The following CSMD1 variants were observed in gnomAD, a reference collection of about 807,000 sequenced individuals.
CSMD1 encodes the protein CUB and Sushi multiple domains 1.
A neutral mutation model predicts 417.5 loss-of-function variants in CSMD1; 213 were observed. That is an observed-to-expected ratio of 0.51 (90% CI 0.46 to 0.57). The LOEUF (loss-of-function observed/expected upper bound fraction) is 0.57. Among genes scored for constraint, CSMD1 ranks in the 20% least tolerant of loss-of-function variants. The probability of loss-of-function intolerance (pLI) is 0.00; values close to 1 mark genes in which losing one functional copy is unlikely to be tolerated. For synonymous variants in CSMD1, 2,862 were observed against 1,736.8 expected (o/e 1.65, Z -16.11); for missense variants, 6,923 against 4,529.7 (o/e 1.53, Z -15.17).
At chr8:4,317,257 T>G (rs1003793399) in intron 3 of CSMD1, among the ~76,000 whole-genome samples, 3 of 152,276 alleles carry the variant, frequency 2.0e-5, no homozygotes, top group South Asian at 4.1e-4. Flanking sequence ...TTTTTTTTAC[T>G]ATGTATGATT....
At chr8:4,159,841 G>C (rs1374424413) in intron 3 of CSMD1, among the ~76,000 whole-genome samples, 2 of 152,116 alleles carry the variant, frequency 1.3e-5, no homozygotes, top group African/African-American at 4.8e-5. Flanking sequence ...ACTCTGGAAT[G>C]GAAAACTAAA....
At chr8:4,464,862 T>G (rs1800065583) in intron 2 of CSMD1, among the ~76,000 whole-genome samples, 1 of 152,090 alleles carries the variant, frequency 6.6e-6, no homozygotes, top group Non-Finnish European at 1.5e-5. Flanking sequence ...CCTGCTGTGT[T>G]AGTTTTATTA....
At chr8:4,318,065 C>T (rs117374012) in intron 3 of CSMD1, among the ~76,000 whole-genome samples, 17,560 of 152,106 alleles carry the variant, frequency 0.12, 1,250 homozygotes, top group Admixed American at 0.17. Context: ...TTTTTTCTCA[C>T]GTAAGTGTGA....
chr8:3,656,314 G>A (rs77395468), intron 7 of CSMD1, among the ~76,000 whole-genome samples: 1,862 of 152,288 alleles, frequency 0.012, 51 homozygotes, highest in African/African-American at 0.042. Flanking sequence ...AGCTTAGGGC[G>A]AAAGGTATAG....
At chr8:3,899,860 T>C (rs974336979) in intron 5 of CSMD1, among the ~76,000 whole-genome samples, 4 of 152,244 alleles carry the variant, frequency 2.6e-5, no homozygotes, top group Admixed American at 1.3e-4. Flanking sequence ...TGTCCATTTC[T>C]TCAGTTCCTT....
At chr8:3,411,117 G>A (rs938804806) in intron 12 of CSMD1, among the ~76,000 whole-genome samples, 1 of 152,172 alleles carries the variant, frequency 6.6e-6, no homozygotes, top group Non-Finnish European at 1.5e-5. Flanking sequence ...AGGCACTGCA[G>A]AGCTTTGGAG....
intron 3 of CSMD1, among the ~76,000 whole-genome samples, chr8:4,191,921 C>T (rs573356551): frequency 4.6e-5 from 7 of 152,252 alleles, no homozygotes; most frequent in African/African-American, 1.7e-4. Context: ...TGAGCATTAG[C>T]ACAATTCAGC....
chr8:4,343,095 G>C (rs915241641), intron 3 of CSMD1, among the ~76,000 whole-genome samples: 1 of 152,074 alleles, frequency 6.6e-6, no homozygotes, highest in Admixed American at 6.6e-5. Context: ...CAGTGACCAA[G>C]GGATATGGGG....
intron 7 of CSMD1, among the ~76,000 whole-genome samples, chr8:3,638,560 G>T (rs889362776): frequency 2.0e-5 from 3 of 152,148 alleles, no homozygotes; most frequent in East Asian, 1.9e-4. Flanking sequence ...GGGGATGCTT[G>T]TCCCTGCCTG....
chr8:4,578,314 T>C (rs1261365580), intron 2 of CSMD1, among the ~76,000 whole-genome samples: 1 of 140,392 alleles, frequency 7.1e-6, no homozygotes, highest in Non-Finnish European at 1.5e-5. Context: ...TACAGGCACC[T>C]GCCACGACAC....
chr8:2,990,730 G>A (rs1489030059), intron 54 of CSMD1, among the ~76,000 whole-genome samples: 1 of 152,188 alleles, frequency 6.6e-6, no homozygotes, highest in Non-Finnish European at 1.5e-5. Context: ...TGTTATGAAT[G>A]TAAGATGCTC....
At chr8:3,057,277 G>A (rs1458714455) in intron 49 of CSMD1, among the ~76,000 whole-genome samples, 1 of 152,098 alleles carries the variant, frequency 6.6e-6, no homozygotes, top group African/African-American at 2.4e-5. Flanking sequence ...AATTTGAATT[G>A]TGTAAGTTAA....
In CSMD1 at chr8:3,359,171, T is replaced by C; in HGVS notation, c.3285A>G (p.Ala1095=). ...ACCTACCCACACACCTTGGCAGAGG[T>C]GCACTCCACACACGGCGGCCCCCAC... ...CLGGGRRVWS[A]PLPRCVAECG... Residue 1095 remains alanine (A), a synonymous_variant, in exon 21 of 70, where the codon GCA becomes GCG. Coordinates refer to ENST00000635120, the MANE Select transcript of CSMD1 (RefSeq NM_033225.6). The C allele has an allele frequency of 1.2e-6, 2 of 1,613,760 alleles. No individual in the cohort carries two copies. The highest frequency in any genetic ancestry group is 8.5e-7 in the Non-Finnish European group (1 of 1,179,916).
intron 3 of CSMD1, among the ~76,000 whole-genome samples, chr8:4,045,317 G>C (rs928129521): frequency 2.0e-5 from 3 of 152,196 alleles, no homozygotes; most frequent in Non-Finnish European, 4.4e-5. Flanking sequence ...GGGTTAGGCA[G>C]GTAAAAGGAC....
chr8:2,997,027 C>A (rs1806957967), intron 54 of CSMD1, among the ~76,000 whole-genome samples: 1 of 152,216 alleles, frequency 6.6e-6, no homozygotes, highest in Non-Finnish European at 1.5e-5. Context: ...CTCCTCTGGT[C>A]AGGGGCTGGG....
At chr8:4,987,738 C>A (rs1026339523) in intron 1 of CSMD1, among the ~76,000 whole-genome samples, 1 of 152,124 alleles carries the variant, frequency 6.6e-6, no homozygotes, top group Admixed American at 6.5e-5. Flanking sequence ...GGGGCAGACC[C>A]TCCCTCAATG....
At chr8:3,368,231 A>C (rs1190140343) in intron 19 of CSMD1, among the ~76,000 whole-genome samples, 1 of 152,244 alleles carries the variant, frequency 6.6e-6, no homozygotes, top group Non-Finnish European at 1.5e-5. Flanking sequence ...AGTGCCACAC[A>C]GTACACATAA....
At chr8:3,717,974 C>G (rs560211503) in intron 6 of CSMD1, among the ~76,000 whole-genome samples, 1 of 152,144 alleles carries the variant, frequency 6.6e-6, no homozygotes, top group Non-Finnish European at 1.5e-5. Context: ...AACTATAGGA[C>G]CAGTTTACTT....
intron 6 of CSMD1, among the ~76,000 whole-genome samples, chr8:3,729,417 C>A (rs1250174022): frequency 2.0e-5 from 3 of 152,272 alleles, no homozygotes; most frequent in East Asian, 3.9e-4. Context: ...CAACTCTCTG[C>A]ATGTTAAAAG....
Sources: gnomAD v4.1 joint callset for allele counts (sites outside exome capture counted in the v4.1 genomes callset) on GRCh38, gnomAD v4.1.1 for gene constraint, MANE v1.5 for transcripts, NCBI Gene and HGNC (gene_info 2026-07-23, HGNC 2026-07-21) for gene names.